The following TBL1X variants were observed in gnomAD, a reference collection of about 807,000 sequenced individuals.
TBL1X encodes the protein transducin beta like 1 X-linked, also known as F-box-like/WD repeat-containing protein TBL1X.
TBL1X carries 10 observed loss-of-function variants against 50.7 expected under a neutral mutation model. The ratio of observed to expected loss-of-function variants is 0.20; its 90% CI spans 0.12 to 0.33. The LOEUF is 0.33. Ranked by LOEUF, TBL1X falls within the 10% of genes least tolerant of loss-of-function variation. The probability of loss-of-function intolerance (pLI) is 1.00; values close to 1 mark genes in which losing one functional copy is unlikely to be tolerated. For synonymous variants in TBL1X, 190 were observed against 214.7 expected (o/e 0.88, Z 1.01); for missense variants, 340 against 504.4 (o/e 0.67, Z 3.12).
In TBL1X at chrX:9,706,461, A is replaced by G. The variant is rs73632612; in HGVS notation, c.1236+1347A>G. On this transcript the variant is annotated intron_variant, in intron 13 of 17. Transcript: ENST00000645353. ...AAGCTCAGCAAATTTCAAGCAGAAC[A>G]AATATAAACAGAACCACACAAACAG... Among the ~76,000 whole-genome samples, 985 of 110,838 alleles carry G rather than the reference A, an allele frequency of 8.9e-3. 11 individuals are homozygous for G. Among genetic ancestry groups the G allele is most frequent in the African/African-American group, 0.027 (815 of 30,439 alleles).
At chrX:9,614,573 C>CA (rs1374457344) in intron 2 of TBL1X, among the ~76,000 whole-genome samples, 1 of 111,351 alleles carries the variant, frequency 9.0e-6, no homozygotes, top group African/African-American at 3.3e-5. Flanking sequence ...GAAAACAAAA[C>CA]AAAAAATGAA....
intron 2 of TBL1X, among the ~76,000 whole-genome samples, chrX:9,512,514 G>GT (rs35935620): frequency 0.45 from 47,194 of 104,962 alleles, 8,285 homozygotes; most frequent in Admixed American, 0.55. Flanking sequence ...TTGTTTTTTG[G>GT]TTTTTTTTTG....
rs914292932 is a variant in TBL1X at position 9,662,991 on chromosome X, T to C, written c.211+8669T>C. Among the ~76,000 whole-genome samples the C allele has an allele frequency of 6.3e-5, 7 of 111,371 alleles. No individual in the cohort carries two copies. In the Admixed American group the frequency reaches 6.7e-4, roughly 11 times the overall value. ...TTTTTTAAAAATGGTTAGCATGATA[T>C]ATTTTATGTTATATATATTTTACCA... On this transcript the variant is annotated intron_variant, in intron 5 of 17. Coordinates refer to ENST00000645353, the MANE Select transcript of TBL1X (RefSeq NM_005647.4).
At chrX:9,474,430 G>A (rs938034597) in intron 1 of TBL1X, among the ~76,000 whole-genome samples, 3 of 113,392 alleles carry the variant, frequency 2.6e-5, no homozygotes, top group African/African-American at 6.4e-5. Context: ...ATGTATGTGC[G>A]TTAAGTAACT....
chrX:9,565,698 G>A (rs2082347978), intron 2 of TBL1X, among the ~76,000 whole-genome samples: 1 of 111,144 alleles, frequency 9.0e-6, no homozygotes, highest in African/African-American at 3.3e-5. Flanking sequence ...AGGCATGGTG[G>A]TGTGCTCCTG....
intron 3 of TBL1X, among the ~76,000 whole-genome samples, chrX:9,648,611 C>T (rs1178880109): frequency 8.9e-6 from 1 of 112,206 alleles, no homozygotes; most frequent in Non-Finnish European, 1.9e-5. Flanking sequence ...AACTTTTCTT[C>T]CAAAACATCC....
intron 9 of TBL1X, 55 bp from the exon 10 acceptor site, chrX:9,693,094 G>A (rs924852519): frequency 1.9e-5 from 23 of 1,181,810 alleles, no homozygotes; most frequent in East Asian, 3.0e-5. Flanking sequence ...GAGCTGCTTC[G>A]GTGCTGCCGC....
At chrX:9,558,807 A>G (rs1404533040) in intron 2 of TBL1X, among the ~76,000 whole-genome samples, 1 of 111,766 alleles carries the variant, frequency 8.9e-6, no homozygotes, top group Non-Finnish European at 1.9e-5. Flanking sequence ...GCTCTAAGAT[A>G]CGTCCTTGGA....
intron 5 of TBL1X, among the ~76,000 whole-genome samples, chrX:9,677,916 CTG>C (rs1403117022): frequency 9.0e-6 from 1 of 111,704 alleles, no homozygotes; most frequent in East Asian, 2.8e-4. Context: ...GCTGGGGAAA[CTG>C]TTAGGGGGCA....
chrX:9,481,652 A>T (rs1212428055), intron 1 of TBL1X, among the ~76,000 whole-genome samples: 3 of 112,067 alleles, frequency 2.7e-5, no homozygotes, highest in African/African-American at 6.5e-5. Context: ...AGCTGGCCTC[A>T]TACCTTGTCT....
rs755145975 is a variant in TBL1X, at chrX:9,688,111, G to A, written c.452G>A (p.Arg151Gln). The A allele has an allele frequency of 1.3e-5, 16 of 1,209,066 alleles. No individual in the cohort carries two copies. Among genetic ancestry groups the A allele is most frequent in the East Asian group, 8.9e-5 (3 of 33,683 alleles). Reference sequence around the variant, plus strand: ...GTGCAGACGCGGCAGCAGGCATTCCGAGAGAAGCTCGCTCAGCAGCAAGCC... The same window carrying A: ...GTGCAGACGCGGCAGCAGGCATTCCAAGAGAAGCTCGCTCAGCAGCAAGCC... ...DVVQTRQQAF[R>Q]EKLAQQQASA... Residue 151 changes from arginine to glutamine, a missense_variant, in exon 7 of 18, where the codon CGA becomes CAA. Coordinates refer to ENST00000645353, the MANE Select transcript of TBL1X (RefSeq NM_005647.4).
chrX:9,693,264 TAACC>T, intron 10 of TBL1X, 52 bp downstream of exon 10: 1 of 1,209,652 alleles, frequency 8.3e-7, no homozygotes, highest in African/African-American at 1.7e-5. Flanking sequence ...CTGCCGAACT[TAACC>T]CTTGAGTGAA....
At chrX:9,492,876 T>C (rs1251442132) in intron 1 of TBL1X, among the ~76,000 whole-genome samples, 4 of 48,749 alleles carry the variant, frequency 8.2e-5, no homozygotes, top group Non-Finnish European at 1.5e-4. Flanking sequence ...TGTGTGTGTG[T>C]GTGTGTGTGT....
chrX:9,612,022 C>T (rs1304619279), intron 2 of TBL1X, among the ~76,000 whole-genome samples: 2 of 112,815 alleles, frequency 1.8e-5, no homozygotes, highest in Non-Finnish European at 3.7e-5. Flanking sequence ...ATCGCCTGGG[C>T]GTTCTGAAGC....
rs150037142 is a variant in TBL1X, at chrX:9,555,316, C to T, written c.-131+53467C>T. On this transcript the variant is annotated intron_variant, in intron 2 of 17. Transcript: ENST00000645353. ...GGTCTTTTGAATTCCTGGGCTCAAGCGATCCTCCTGTTTCAGCCTCCCAAA... is the reference window on the plus strand; with the variant it reads ...GGTCTTTTGAATTCCTGGGCTCAAGTGATCCTCCTGTTTCAGCCTCCCAAA... Among the ~76,000 whole-genome samples, 994 of 111,301 alleles carry T rather than the reference C, an allele frequency of 8.9e-3. 12 individuals are homozygous for T. Among genetic ancestry groups the T allele is most frequent in the African/African-American group, 0.031 (938 of 30,585 alleles).
chrX:9,471,076 G>C (rs754461686), intron 1 of TBL1X, among the ~76,000 whole-genome samples: 1 of 112,582 alleles, frequency 8.9e-6, no homozygotes, highest in Non-Finnish European at 1.9e-5. Context: ...GACCTTTGCC[G>C]TTTTCCCAAT....
chrX:9,548,428 G>GC (rs934240489), intron 2 of TBL1X, among the ~76,000 whole-genome samples: 1 of 111,264 alleles, frequency 9.0e-6, no homozygotes, highest in Non-Finnish European at 1.9e-5. Flanking sequence ...GTGCTTTTAA[G>GC]CCCCCCATTT....
chrX:9,594,089 GCAGA>G (rs957183235), intron 2 of TBL1X, among the ~76,000 whole-genome samples: 18 of 112,743 alleles, frequency 1.6e-4, no homozygotes, highest in African/African-American at 5.5e-4. Flanking sequence ...GAGGCTGCTG[GCAGA>G]CAGTTATTTG....
chrX:9,645,526 C>T (rs949406201), intron 3 of TBL1X: 77 of 111,837 alleles, frequency 6.9e-4, no homozygotes, highest in African/African-American at 2.4e-3. Context: ...GCATCTTATG[C>T]CACTAGTTTA....
Sources: allele counts gnomAD v4.1 joint callset (sites outside exome capture counted in the v4.1 genomes callset), GRCh38; gene constraint gnomAD v4.1.1; transcripts MANE v1.5; gene names NCBI Gene and HGNC (gene_info 2026-07-23, HGNC 2026-07-21).